Variants in CDK6 observed in about 807,000 individuals in gnomAD.
CDK6 encodes the protein cyclin dependent kinase 6.
In CDK6, 6 loss-of-function variants were observed where a neutral mutation model predicts 37.1. The ratio of observed to expected loss-of-function variants is 0.16; its 90% CI spans 0.09 to 0.32. CDK6 has a LOEUF of 0.32. Ranked by LOEUF, CDK6 falls within the 10% of genes least tolerant of loss-of-function variation. The pLI is 1.00. For missense variants in CDK6, 224 were observed against 418.9 expected, an observed-to-expected ratio of 0.53 and a Z score of 4.06; for synonymous variants, 160 against 161.3, an observed-to-expected ratio of 0.99 and a Z score of 0.06.
At chr7:92,645,239 G>A (rs933292870) in intron 5 of CDK6, among the ~76,000 whole-genome samples, 1 of 152,180 alleles carries the variant, frequency 6.6e-6, no homozygotes, top group Non-Finnish European at 1.5e-5. Context: ...TTCTCTTAAT[G>A]AAGTAATGAA....
chr7:92,700,515 G>A (rs1440390521), intron 4 of CDK6, among the ~76,000 whole-genome samples: 2 of 152,246 alleles, frequency 1.3e-5, no homozygotes, highest in Admixed American at 6.5e-5. Context: ...TGGGTGGCCA[G>A]GTAGATGGTG....
At chr7:92,705,492 A>C (rs1797946147) in intron 4 of CDK6, among the ~76,000 whole-genome samples, 1 of 152,166 alleles carries the variant, frequency 6.6e-6, no homozygotes, top group South Asian at 2.1e-4. Context: ...AAAACTTGGA[A>C]ATCACATGAA....
chr7:92,618,048 G>A (rs187506625), intron 7 of CDK6, 24 bp downstream of exon 7: 74 of 1,612,324 alleles, frequency 4.6e-5, no homozygotes, highest in South Asian at 7.7e-5. Context: ...CAGTGCAGAC[G>A]AGCTTGACAT....
chr7:92,815,419 T>TA (rs1801002668), intron 2 of CDK6, among the ~76,000 whole-genome samples: 1 of 152,170 alleles, frequency 6.6e-6, no homozygotes, highest in South Asian at 2.1e-4. Flanking sequence ...CTAATGGACA[T>TA]ACAAGGCAGT....
At chr7:92,659,930 T>C (rs888900157) in intron 5 of CDK6, among the ~76,000 whole-genome samples, 3 of 152,118 alleles carry the variant, frequency 2.0e-5, no homozygotes, top group Admixed American at 6.5e-5. Flanking sequence ...GATACTCTGA[T>C]TAAAGCTGAG....
chr7:92,629,326 T>G (rs1296527032), intron 5 of CDK6, among the ~76,000 whole-genome samples: 4 of 152,106 alleles, frequency 2.6e-5, no homozygotes, highest in African/African-American at 9.7e-5. Flanking sequence ...AATTTTTCCT[T>G]GTTACCGATG....
At chr7:92,688,044 T>C (rs1797503396) in intron 4 of CDK6, among the ~76,000 whole-genome samples, 1 of 152,200 alleles carries the variant, frequency 6.6e-6, no homozygotes, top group African/African-American at 2.4e-5. Flanking sequence ...TGATGGTTAT[T>C]TCTAGTTTTT....
intron 4 of CDK6, among the ~76,000 whole-genome samples, chr7:92,675,046 C>T (rs1368222564): frequency 1.3e-5 from 2 of 152,140 alleles, no homozygotes; most frequent in African/African-American, 2.4e-5. Context: ...GTTGGCCAGG[C>T]TGGTCATGAA....
chr7:92,719,461 AT>A (rs1357968108), intron 4 of CDK6, among the ~76,000 whole-genome samples: 1 of 152,170 alleles, frequency 6.6e-6, no homozygotes, highest in Non-Finnish European at 1.5e-5. Context: ...TCTTTTTGTA[AT>A]TTCTATGGAA....
At chr7:92,639,268 A>G (rs1377260089) in intron 5 of CDK6, among the ~76,000 whole-genome samples, 9 of 152,230 alleles carry the variant, frequency 5.9e-5, no homozygotes, top group Admixed American at 2.6e-4. Flanking sequence ...TTGATAACCA[A>G]TGAACAATAG....
chr7:92,640,317 A>G (rs1187910378), intron 5 of CDK6, among the ~76,000 whole-genome samples: 1 of 152,232 alleles, frequency 6.6e-6, no homozygotes, highest in Non-Finnish European at 1.5e-5. Flanking sequence ...ATGCTAGCCT[A>G]TCATAAACAG....
intron 2 of CDK6, 37 bp from the exon 3 acceptor site, chr7:92,774,868 T>A (rs1397988369): frequency 1.3e-6 from 2 of 1,591,678 alleles, no homozygotes; most frequent in Admixed American, 1.8e-5. Flanking sequence ...TAGGTGGCAA[T>A]AAGCAAAGAA....
At chr7:92,617,722 ATTAC>A (rs1054618727) in intron 7 of CDK6, among the ~76,000 whole-genome samples, 1 of 152,242 alleles carries the variant, frequency 6.6e-6, no homozygotes, top group Non-Finnish European at 1.5e-5. Context: ...TGACAAACAA[ATTAC>A]TTAAAGTAGC....
At chr7:92,697,735 G>A (rs549306066) in intron 4 of CDK6, among the ~76,000 whole-genome samples, 6 of 152,306 alleles carry the variant, frequency 3.9e-5, no homozygotes, top group African/African-American at 1.2e-4. Context: ...CTTTTAAGAA[G>A]GAGGCTGTGT....
chr7:92,769,688 G>A (rs1038887375), intron 3 of CDK6, among the ~76,000 whole-genome samples: 4 of 152,094 alleles, frequency 2.6e-5, no homozygotes, highest in Non-Finnish European at 4.4e-5. Flanking sequence ...GCCTGTACAG[G>A]AGAATATTTT....
chr7:92,710,975 C>A, intron 4 of CDK6: 1 of 378,628 alleles, frequency 2.6e-6, no homozygotes, highest in Non-Finnish European at 3.6e-6. Flanking sequence ...GCCAGAGGCA[C>A]TCAGGAGAGA....
chr7:92,645,654 C>G (rs1055841526), intron 5 of CDK6, among the ~76,000 whole-genome samples: 1 of 152,248 alleles, frequency 6.6e-6, no homozygotes, highest in African/African-American at 2.4e-5. Flanking sequence ...GCTCTGCCAT[C>G]TGGGCAGCAC....
chr7:92,669,570 T>C (rs1363194227), intron 5 of CDK6, among the ~76,000 whole-genome samples: 1 of 152,238 alleles, frequency 6.6e-6, no homozygotes, highest in Non-Finnish European at 1.5e-5. Flanking sequence ...TACCGAGTTA[T>C]TCCTGCGATG....
chr7:92,795,908 C>G (rs1465262123), intron 2 of CDK6, among the ~76,000 whole-genome samples: 3 of 151,980 alleles, frequency 2.0e-5, no homozygotes, highest in Non-Finnish European at 4.4e-5. Context: ...TGTTTCTTAG[C>G]TGTTACTAGG....
Sources: allele counts gnomAD v4.1 joint callset (sites outside exome capture counted in the v4.1 genomes callset), GRCh38; gene constraint gnomAD v4.1.1; transcripts MANE v1.5; gene names NCBI Gene and HGNC (gene_info 2026-07-23, HGNC 2026-07-21).